NCOA2: variants seen among roughly 807,000 people sequenced by gnomAD.
NCOA2 encodes nuclear receptor coactivator 2.
A neutral mutation model predicts 145.1 loss-of-function variants in NCOA2; 21 were observed. That is an observed-to-expected ratio of 0.14 (90% CI 0.10 to 0.21). The LOEUF is 0.21. Among genes scored for constraint, NCOA2 ranks in the 10% least tolerant of loss-of-function variants. The pLI, the probability that NCOA2 is intolerant of heterozygous loss-of-function variation, is 1.00. For synonymous variants in NCOA2, 619 were observed against 637.5 expected, an observed-to-expected ratio of 0.97 and a Z score of 0.44; for missense variants, 1,472 against 1,837.6, an observed-to-expected ratio of 0.80 and a Z score of 3.64.
chr8:70,262,671 T>TA (rs564335915), intron 2 of NCOA2, among the ~76,000 whole-genome samples: 96 of 152,210 alleles, frequency 6.3e-4, no homozygotes, highest in Middle Eastern at 3.4e-3. Context: ...ACACAAATGC[T>TA]AAAAAAACAG....
At chr8:70,318,969 T>C (rs540140278) in intron 1 of NCOA2, among the ~76,000 whole-genome samples, 2 of 152,282 alleles carry the variant, frequency 1.3e-5, no homozygotes, top group African/African-American at 4.8e-5. Context: ...CTCTATACCA[T>C]TGACCTCTGA....
intron 3 of NCOA2, 106 bp downstream of exon 3, chr8:70,216,554 C>A: frequency 1.1e-6 from 1 of 921,052 alleles, no homozygotes; most frequent in Non-Finnish European, 1.8e-6. Context: ...GGAGAAAAAC[C>A]AACTCAATAT....
At chr8:70,417,861 C>T in the NCOA2 span, among the ~76,000 whole-genome samples, 1 of 152,172 alleles carries the variant, frequency 6.6e-6, no homozygotes, top group Non-Finnish European at 1.5e-5. Context: ...CCCTGGCAAT[C>T]AGAATAAATC....
At chr8:70,415,466 T>C in the NCOA2 span, among the ~76,000 whole-genome samples, 6,923 of 152,288 alleles carry the variant, frequency 0.045, 261 homozygotes, top group East Asian at 0.16. Flanking sequence ...AGAAAACCCT[T>C]AGAATACGAT....
intron 21 of NCOA2, among the ~76,000 whole-genome samples, chr8:70,123,122 G>C (rs190425601): frequency 2.0e-5 from 3 of 152,142 alleles, no homozygotes; most frequent in African/African-American, 4.8e-5. Flanking sequence ...CAAATGCTTT[G>C]AGTCTCTCTG....
intron 4 of NCOA2, among the ~76,000 whole-genome samples, chr8:70,175,881 T>TG (rs397825302): frequency 3.9e-5 from 6 of 151,968 alleles, no homozygotes; most frequent in East Asian, 3.9e-4. Flanking sequence ...TTTTTTTTTT[T>TG]GTCAAAAATA....
At chr8:70,140,676 T>G (rs1385767848) in intron 14 of NCOA2, among the ~76,000 whole-genome samples, 2 of 139,944 alleles carry the variant, frequency 1.4e-5, no homozygotes, top group Non-Finnish European at 3.0e-5. Flanking sequence ...CTTGGCTCAA[T>G]GCACCCTCCA....
At chr8:70,136,408 C>T (rs73285390) in intron 15 of NCOA2, among the ~76,000 whole-genome samples, 5,362 of 152,096 alleles carry the variant, frequency 0.035, 341 homozygotes, top group African/African-American at 0.12. Context: ...GAACTTAATG[C>T]AAAAGGAAGT....
rs374833655 is a variant in NCOA2 at position 70,389,384 on chromosome 8, G to A, written c.-77+14316C>T. Among the ~76,000 whole-genome samples the A allele has an allele frequency of 7.2e-5, 11 of 152,082 alleles. No individual in the cohort carries two copies. The East Asian group carries it at 9.7e-4, about 13-fold the overall frequency. ...CAACCTCCGCCTCTGGGGTTCAAGC[G>A]ATTCTCCTGCCTCAGCCTCCGGAGT... On this transcript the variant is annotated intron_variant, in intron 1 of 22. Coordinates refer to ENST00000452400, the MANE Select transcript of NCOA2 (RefSeq NM_006540.4).
At chr8:70,385,642 G>A (rs1812592911) in intron 1 of NCOA2, among the ~76,000 whole-genome samples, 1 of 152,068 alleles carries the variant, frequency 6.6e-6, no homozygotes, top group South Asian at 2.1e-4. Context: ...TGGGCAGGCT[G>A]GTTTCAACTC....
intron 2 of NCOA2, among the ~76,000 whole-genome samples, chr8:70,259,746 A>C (rs1257967367): frequency 6.6e-6 from 1 of 152,234 alleles, no homozygotes; most frequent in African/African-American, 2.4e-5. Context: ...GCAATGATTA[A>C]ATAAAAATAA....
chr8:70,113,596 C>G lies in NCOA2; in HGVS notation c.*36G>C. The G allele has an allele frequency of 1.3e-6, 2 of 1,550,682 alleles. No homozygotes were observed. The highest frequency in any genetic ancestry group is 1.4e-5 in the African/African-American group (1 of 73,124). On this transcript the variant is annotated 3_prime_UTR_variant, in exon 23 of 23. Coordinates refer to ENST00000452400, the MANE Select transcript of NCOA2 (RefSeq NM_006540.4). Reference sequence around the variant, plus strand: ...ACTGGAAGTGTTTTGAGCAAGTGAGCCCGGTCAGCTGAAGAAGCAACTGGC... The same window carrying G: ...ACTGGAAGTGTTTTGAGCAAGTGAGGCCGGTCAGCTGAAGAAGCAACTGGC...
At chr8:70,367,645 C>A (rs548571076) in intron 1 of NCOA2, among the ~76,000 whole-genome samples, 42 of 152,242 alleles carry the variant, frequency 2.8e-4, no homozygotes, top group African/African-American at 9.9e-4. Context: ...TTAAGTAGAA[C>A]TATTCAAAGT....
chr8:70,202,711 G>A (rs1818018171), intron 4 of NCOA2, among the ~76,000 whole-genome samples: 1 of 152,164 alleles, frequency 6.6e-6, no homozygotes, highest in African/African-American at 2.4e-5. Flanking sequence ...CTGTTTACTG[G>A]GAACAGAGTT....
chr8:70,395,430 A>G (rs1813564725), intron 1 of NCOA2, among the ~76,000 whole-genome samples: 1 of 152,088 alleles, frequency 6.6e-6, no homozygotes, highest in African/African-American at 2.4e-5. Context: ...CATAACTACA[A>G]CCTGCTTCTG....
At chr8:70,394,606 T>C (rs189339989) in intron 1 of NCOA2, among the ~76,000 whole-genome samples, 306 of 152,306 alleles carry the variant, frequency 2.0e-3, no homozygotes, top group African/African-American at 7.1e-3. Context: ...GAAAATATAT[T>C]GAGAAACTCC....
In NCOA2 at chr8:70,128,832, G is replaced by T. The variant is rs745468567; in HGVS notation, c.3473C>A (p.Thr1158Asn). The T allele has an allele frequency of 1.2e-6, 2 of 1,613,936 alleles. No homozygotes were observed. Among genetic ancestry groups the T allele is most frequent in the South Asian group, 1.1e-5 (1 of 91,090 alleles). Residue 1158 changes from threonine to asparagine, a missense_variant, in exon 17 of 23, where the codon ACC becomes AAC. By Grantham distance (65) the Thr-to-Asn change is moderately conservative. Around this residue, in one of 4 missense-constraint regions of NCOA2, gnomAD observed 953 missense variants for 1,062.1 expected, o/e 0.90. Transcript: ENST00000452400. ...GGCATAACTAGGCCGCTGTCCCATG[G>T]TGTGAAAGTTTGGATCTTGCATGGG... ...YSPMQDPNFH[T>N]MGQRPSYATL...
chr8:70,402,916 C>T (rs1461269147), intron 1 of NCOA2, among the ~76,000 whole-genome samples: 1 of 144,390 alleles, frequency 6.9e-6, no homozygotes, highest in East Asian at 2.0e-4. Flanking sequence ...TGCTCGGCCC[C>T]AGCGCGCCGC....
At chr8:70,163,056 A>T (rs1374417145) in intron 8 of NCOA2, among the ~76,000 whole-genome samples, 1 of 151,608 alleles carries the variant, frequency 6.6e-6, no homozygotes, top group Admixed American at 6.6e-5. Flanking sequence ...CTGGGATTAC[A>T]GGCGTGTACC....
Sources: allele counts gnomAD v4.1 joint callset (sites outside exome capture counted in the v4.1 genomes callset), GRCh38; gene constraint gnomAD v4.1.1; regional missense constraint gnomAD v4.1.1; transcripts MANE v1.5; gene names NCBI Gene and HGNC (gene_info 2026-07-23, HGNC 2026-07-21).